SV2C: variants seen among roughly 807,000 people sequenced by gnomAD.
SV2C encodes solute carrier family 22 member B3.
Under a neutral mutation model 79.7 loss-of-function variants are expected in SV2C, and 49 were observed. The ratio of observed to expected loss-of-function variants is 0.61; its 90% confidence interval spans 0.49 to 0.78. The LOEUF (loss-of-function observed/expected upper bound fraction) is 0.78. SV2C is among the 30% of genes least tolerant of loss of function. The pLI is 0.00. For missense variants in SV2C, 833 were observed against 912.9 expected (o/e 0.91, Z 1.13); for synonymous variants, 334 against 333.2 (o/e 1.00, Z -0.03).
chr5:75,850,218 C>T, the SV2C span, among the ~76,000 whole-genome samples: 1 of 152,082 alleles, frequency 6.6e-6, no homozygotes. Flanking sequence ...AGATGTTAGA[C>T]CAACAAATGA....
intron 2 of SV2C, among the ~76,000 whole-genome samples, chr5:76,157,586 T>C (rs973254031): frequency 5.9e-5 from 9 of 151,616 alleles, no homozygotes; most frequent in African/African-American, 2.2e-4. Context: ...CACATACATA[T>C]ATATATTATC....
intron 12 of SV2C, among the ~76,000 whole-genome samples, chr5:76,312,112 A>C (rs1748463086): frequency 6.6e-6 from 1 of 152,212 alleles, no homozygotes; most frequent in Non-Finnish European, 1.5e-5. Flanking sequence ...CCCGCGGTGT[A>C]GGCCTGTTCC....
chr5:76,078,943 A>G, upstream of SV2C: 1 of 528,908 alleles, frequency 1.9e-6, no homozygotes, highest in South Asian at 1.5e-5. Context: ...CCTTTCAAAC[A>G]ATGTAGAAAA....
At chr5:76,312,191 C>T (rs921188064) in intron 12 of SV2C, among the ~76,000 whole-genome samples, 1 of 151,754 alleles carries the variant, frequency 6.6e-6, no homozygotes, top group African/African-American at 2.4e-5. Context: ...TCTGCTGCCA[C>T]TATGTGGCTG....
At chr5:75,941,970 G>C in the SV2C span, among the ~76,000 whole-genome samples, 3 of 152,204 alleles carry the variant, frequency 2.0e-5, no homozygotes, top group Non-Finnish European at 4.4e-5. Context: ...CCCCAACTTA[G>C]CCTATAGTAT....
At chr5:76,132,689 A>T (rs922134811) in intron 2 of SV2C, among the ~76,000 whole-genome samples, 15 of 152,168 alleles carry the variant, frequency 9.9e-5, no homozygotes, top group African/African-American at 3.4e-4. Context: ...CTTGGAAGTT[A>T]ATAATGCTGT....
chr5:75,997,141 T>A, the SV2C span, among the ~76,000 whole-genome samples: 2 of 151,804 alleles, frequency 1.3e-5, no homozygotes, highest in Admixed American at 6.6e-5. Context: ...TAGCTCTTAT[T>A]ATTTTGAGAT....
At chr5:76,150,336 C>T (rs987695113) in intron 2 of SV2C, among the ~76,000 whole-genome samples, 2 of 152,050 alleles carry the variant, frequency 1.3e-5, no homozygotes, top group Non-Finnish European at 2.9e-5. Flanking sequence ...TGCCACCACG[C>T]CCAGCTAATT....
At chr5:76,213,765 T>C (rs1330287890) in intron 4 of SV2C, among the ~76,000 whole-genome samples, 1 of 152,200 alleles carries the variant, frequency 6.6e-6, no homozygotes, top group African/African-American at 2.4e-5. Flanking sequence ...GTTTCAAGTA[T>C]ACAGTACAGT....
intron 4 of SV2C, among the ~76,000 whole-genome samples, chr5:76,229,484 T>C (rs1378141148): frequency 6.6e-6 from 1 of 152,178 alleles, no homozygotes; most frequent in Non-Finnish European, 1.5e-5. Context: ...TTCAGTGGGG[T>C]TAGTTACTAG....
intron 12 of SV2C, among the ~76,000 whole-genome samples, chr5:76,304,111 A>T (rs148899388): frequency 7.0e-4 from 106 of 152,334 alleles, no homozygotes; most frequent in African/African-American, 2.4e-3. Flanking sequence ...ACCTCTGTGC[A>T]CACCAGCACG....
the SV2C span, among the ~76,000 whole-genome samples, chr5:76,004,578 A>G: frequency 6.6e-6 from 1 of 152,102 alleles, no homozygotes; most frequent in Non-Finnish European, 1.5e-5. Flanking sequence ...TGGGGCTTGT[A>G]CTAATCAAAA....
intron 12 of SV2C, among the ~76,000 whole-genome samples, chr5:76,318,053 G>C (rs1197925592): frequency 6.6e-6 from 1 of 151,398 alleles, no homozygotes; most frequent in East Asian, 1.9e-4. Context: ...CAAAGAGGCT[G>C]GATGTGAGGA....
rs1382945542 is a variant in SV2C at position 76,329,058 on chromosome 5, C to A, written c.*3511C>A. On this transcript the variant is annotated 3_prime_UTR_variant, in exon 13 of 13. Transcript: ENST00000502798. Reference sequence around the variant, plus strand: ...TGGGATTACAGGCGTGAGCCACTGGCGGCCTCAACTCATTTTTACAAGCAC... The same window carrying A: ...TGGGATTACAGGCGTGAGCCACTGGAGGCCTCAACTCATTTTTACAAGCAC... The A allele has an allele frequency of 6.6e-6, 1 of 152,112 alleles. No homozygotes were observed. The allele number at this position is 152,112 out of a possible 1,614,324, so 9.4% of individuals were successfully genotyped here.
intron 2 of SV2C, among the ~76,000 whole-genome samples, chr5:76,149,850 AGTGTGACTTG>A (rs1338618979): frequency 2.0e-5 from 3 of 152,242 alleles, no homozygotes; most frequent in Non-Finnish European, 4.4e-5. Flanking sequence ...TGCAGGGCAC[AGTGTGACTTG>A]GCTTTATGGA....
chr5:75,912,642 T>C, the SV2C span, among the ~76,000 whole-genome samples: 7 of 152,190 alleles, frequency 4.6e-5, no homozygotes, highest in Non-Finnish European at 8.8e-5. Flanking sequence ...TGCTCTGACC[T>C]CATACCATTT....
At chr5:76,351,379 T>C (rs1216165096) in intron 12 of SV2C, among the ~76,000 whole-genome samples, 2 of 151,988 alleles carry the variant, frequency 1.3e-5, no homozygotes, top group Non-Finnish European at 2.9e-5. Flanking sequence ...GCCCAGGTGG[T>C]TGAGGTTGCA....
chr5:76,230,608 T>C (rs1038637030), intron 4 of SV2C, among the ~76,000 whole-genome samples: 1 of 145,114 alleles, frequency 6.9e-6, no homozygotes, highest in African/African-American at 2.9e-5. Flanking sequence ...CTGGCCAACA[T>C]GGTGAAACCA....
intron 6 of SV2C, chr5:76,286,867 C>CATGAGAACA (rs1747373767): frequency 6.6e-6 from 1 of 152,102 alleles, no homozygotes; most frequent in African/African-American, 2.4e-5. Context: ...CACTGACTGT[C>CATGAGAACA]ATGAGAACAG....
Sources: gnomAD v4.1 joint callset for allele counts (sites outside exome capture counted in the v4.1 genomes callset) on GRCh38, gnomAD v4.1.1 for gene constraint, MANE v1.5 for transcripts, NCBI Gene and HGNC (gene_info 2026-07-23, HGNC 2026-07-21) for gene names.